ARL17A: variants seen among roughly 807,000 people sequenced by gnomAD.
ARL17A encodes ADP-ribosylation factor-like 17-like.
Position 46,554,306 on chromosome 17 carries a change from A to G in ARL17A, c.*3050T>C, listed in dbSNP as rs1415847636. On this transcript the variant is annotated 3_prime_UTR_variant, in exon 4 of 4. Transcript: ENST00000336125. ...GCTGGGTGTGGTGGCGCAGGCGTGT[A>G]ATCCCAGCTACTTGGGAGGCTGAGG... 9.1e-6 allele frequency: 1 copy of G among 109,458 alleles called. No homozygotes were observed. Among genetic ancestry groups the G allele is most frequent in the Admixed American group, 1.2e-4 (1 of 8,682 alleles). 6.8% of individuals were successfully genotyped at this position (109,458 alleles called of 1,614,324 possible).
At chr17:46,535,195 C>A (rs1182674549) in intron 4 of ARL17A, among the ~76,000 whole-genome samples, 1 of 149,464 alleles carries the variant, frequency 6.7e-6, no homozygotes, top group African/African-American at 2.6e-5. Context: ...ATGTCCAGCA[C>A]CTGCATTGTT....
At chr17:46,501,166 G>A in the ARL17A span, among the ~76,000 whole-genome samples, 1 of 151,140 alleles carries the variant, frequency 6.6e-6, no homozygotes, top group South Asian at 2.1e-4. Context: ...CTAGGTACAA[G>A]CCACCATGCC....
the ARL17A span, among the ~76,000 whole-genome samples, chr17:46,500,587 A>C: frequency 6.6e-6 from 1 of 150,770 alleles, no homozygotes. Flanking sequence ...AGATTGTGAG[A>C]AACTGCAGAT....
chr17:46,525,614 AATCATCATC>A (rs745821194), downstream of ARL17A, among the ~76,000 whole-genome samples: 5 of 114,488 alleles, frequency 4.4e-5, no homozygotes, highest in African/African-American at 1.2e-4. Context: ...TAATAATAAT[AATCATCATC>A]ATCATCATCA....
chr17:46,545,077 G>A (rs1486477018), intron 3 of ARL17A, among the ~76,000 whole-genome samples: 1 of 135,402 alleles, frequency 7.4e-6, no homozygotes, highest in Non-Finnish European at 1.6e-5. Flanking sequence ...CCTCGTAACC[G>A]CAGATGGCCT....
At chr17:46,525,510 C>T (rs1214916338), downstream of ARL17A, among the ~76,000 whole-genome samples, 1 of 111,548 alleles carries the variant, frequency 9.0e-6, no homozygotes. Context: ...TCACTTGAAA[C>T]CAGGAGGCGG....
At chr17:46,534,684 A>G (rs1286221698) in intron 4 of ARL17A, among the ~76,000 whole-genome samples, 1 of 149,824 alleles carries the variant, frequency 6.7e-6, no homozygotes, top group African/African-American at 2.5e-5. Flanking sequence ...CATCGTCATC[A>G]TGGCCCGTTC....
chr17:46,525,710 A>G (rs2052652651), downstream of ARL17A, among the ~76,000 whole-genome samples: 1 of 114,834 alleles, frequency 8.7e-6, no homozygotes. Context: ...CAGTTGATAA[A>G]AATTAATGAA....
intron 3 of ARL17A, among the ~76,000 whole-genome samples, chr17:46,543,354 G>A (rs906229489): frequency 3.3e-5 from 5 of 150,836 alleles, no homozygotes; most frequent in African/African-American, 1.2e-4. Context: ...AGATTTGTCA[G>A]TATACTTTAA....
downstream of ARL17A, chr17:46,548,235 TG>T: frequency 6.1e-6 from 2 of 327,456 alleles, no homozygotes; most frequent in Non-Finnish European, 5.0e-6. Context: ...TCTGTGTGAC[TG>T]GGGTGTACAG....
the ARL17A span, among the ~76,000 whole-genome samples, chr17:46,501,012 TCTA>T: frequency 6.6e-6 from 1 of 151,202 alleles, no homozygotes; most frequent in African/African-American, 2.5e-5. Flanking sequence ...AGACCCCGTC[TCTA>T]CTAAAAATAC....
the ARL17A span, among the ~76,000 whole-genome samples, chr17:46,502,512 G>A: frequency 6.6e-6 from 1 of 150,802 alleles, no homozygotes; most frequent in Non-Finnish European, 1.5e-5. Context: ...ATATTGGTCA[G>A]GCTGGTCTCG....
At chr17:46,569,132 G>A (rs1472235062) in intron 3 of ARL17A, among the ~76,000 whole-genome samples, 9 of 150,970 alleles carry the variant, frequency 6.0e-5, no homozygotes, top group African/African-American at 2.2e-4. Flanking sequence ...ATTTTTAGTA[G>A]AGACAGGGTT....
the ARL17A span, among the ~76,000 whole-genome samples, chr17:46,505,844 CGCAGGCTGGAGT>C: frequency 1.0e-5 from 1 of 99,110 alleles, no homozygotes; most frequent in African/African-American, 4.9e-5. Flanking sequence ...TGCCCTGTCG[CGCAGGCTGGAGT>C]GCAGTGGTGT....
At chr17:46,539,624 G>A (rs1222516058) in intron 3 of ARL17A, among the ~76,000 whole-genome samples, 70 of 138,518 alleles carry the variant, frequency 5.1e-4, no homozygotes, top group African/African-American at 1.7e-3. Context: ...TTAGCTGGGC[G>A]TGGTGGTGGG....
intron 4 of ARL17A, among the ~76,000 whole-genome samples, chr17:46,537,189 G>A (rs1429473133): frequency 0.039 from 111 of 2,846 alleles, 8 homozygotes; most frequent in Non-Finnish European, 0.073. Context: ...TTTTTTTTGA[G>A]ACAGAGTCTC....
intron 3 of ARL17A, among the ~76,000 whole-genome samples, chr17:46,558,648 C>T (rs1361410908): frequency 7.8e-6 from 1 of 128,778 alleles, no homozygotes; most frequent in Admixed American, 7.8e-5. Context: ...ACCTTGGCCT[C>T]CCAAAGTGCT....
chr17:46,501,268 C>T, the ARL17A span, among the ~76,000 whole-genome samples: 1 of 150,996 alleles, frequency 6.6e-6, no homozygotes, highest in Non-Finnish European at 1.5e-5. Context: ...CTCCGCCTCC[C>T]GGGTTCACGC....
At chr17:46,543,679 G>A (rs1374554118) in intron 3 of ARL17A, among the ~76,000 whole-genome samples, 9 of 151,018 alleles carry the variant, frequency 6.0e-5, no homozygotes, top group South Asian at 4.1e-4. Context: ...ATACACACAC[G>A]GAAAGCTAAT....
Sources: gnomAD v4.1 joint callset for allele counts (sites outside exome capture counted in the v4.1 genomes callset) on GRCh38, gnomAD v4.1.1 for gene constraint, MANE v1.5 for transcripts, NCBI Gene and HGNC (gene_info 2026-07-23, HGNC 2026-07-21) for gene names.